SI: variants seen among roughly 807,000 people sequenced by gnomAD.
SI encodes the protein sucrase-isomaltase, intestinal.
In SI, 235 loss-of-function variants were observed where a neutral mutation model predicts 253.3. That is an observed-to-expected ratio of 0.93 (90% CI 0.83 to 1.03). SI has a LOEUF of 1.03. SI is among the 50% of genes least tolerant of loss of function. The pLI is 0.00. For synonymous variants in SI, 819 were observed against 712.0 expected, an observed-to-expected ratio of 1.15 and a Z score of -2.39; for missense variants, 2,442 against 2,211.1, an observed-to-expected ratio of 1.10 and a Z score of -2.09.
intron 37 of SI, among the ~76,000 whole-genome samples, chr3:165,004,554 C>A (rs933169304): frequency 2.0e-5 from 3 of 152,028 alleles, no homozygotes; most frequent in Admixed American, 6.6e-5. Context: ...TGTCCATCAA[C>A]AGATGATTAG....
chr3:165,009,453 A>G (rs906134090), intron 34 of SI, 58 bp from the exon 35 acceptor site: 2 of 888,496 alleles, frequency 2.3e-6, no homozygotes, highest in Admixed American at 3.4e-5. Flanking sequence ...TTATATACAT[A>G]TAAATCTGAA....
chr3:165,070,873 C>G (rs928556647), intron 3 of SI, among the ~76,000 whole-genome samples: 9 of 152,086 alleles, frequency 5.9e-5, no homozygotes, highest in Non-Finnish European at 8.8e-5. Context: ...AAGGTGTCAG[C>G]AGAGCCATGC....
rs1717924160 is a variant in SI, at chr3:164,994,539, A to G, written c.4693-134T>C. Reference sequence around the variant, plus strand: ...GTCATGTGCTATGTACTTTCTTCCCAAAATCTTACACAATAATATTTCTAT... The same window carrying G: ...GTCATGTGCTATGTACTTTCTTCCCGAAATCTTACACAATAATATTTCTAT... On this transcript the variant is annotated intron_variant, in intron 40 of 47. Transcript: ENST00000264382. 18 of 819,534 alleles carry G rather than the reference A, an allele frequency of 2.2e-5. 1 individual carries two copies. The South Asian group carries it at 2.5e-4, about 11-fold the overall frequency. The allele number at this position is 819,534 out of a possible 1,614,324, so 50.8% of individuals were successfully genotyped here.
rs760493706 is a variant in SI, at chr3:165,074,538, G to A, written c.248C>T (p.Pro83Leu). 38 of 1,602,786 alleles carry A rather than the reference G, an allele frequency of 2.4e-5. No individual in the cohort carries two copies. The South Asian group carries it at 4.0e-4, about 17-fold the overall frequency. Residue 83 changes from proline to leucine, a missense_variant, in exon 3 of 48, where the codon CCA becomes CTA. Pro to Leu is a moderately conservative substitution (Grantham distance 98). Transcript: ENST00000264382. ...VRINCIPEQF[P>L]TEGICAQRGC... is the part of the protein sequence containing the mutation. ...AAGACTTTTGCTGCAGACCTCTGTT[G>A]GGAATTGTTCTGGAATGCAGTTTAT...
At chr3:165,012,145 A>C (rs1209636298) in intron 34 of SI, among the ~76,000 whole-genome samples, 1 of 152,206 alleles carries the variant, frequency 6.6e-6, no homozygotes, top group African/African-American at 2.4e-5. Context: ...CAGTAACAGA[A>C]AGACAAATGT....
chr3:165,064,313 T>C (rs916721872), intron 7 of SI, among the ~76,000 whole-genome samples: 1 of 151,918 alleles, frequency 6.6e-6, no homozygotes, highest in South Asian at 2.1e-4. Flanking sequence ...CCTGACTAAT[T>C]AGATATGGAT....
chr3:164,996,593 C>T lies in SI; in HGVS notation c.4634G>A (p.Trp1545Ter), dbSNP rs1449088138. The T allele has an allele frequency of 1.2e-6, 2 of 1,610,126 alleles. No individual in the cohort carries two copies. The highest frequency in any genetic ancestry group is 2.7e-5 in the African/African-American group (2 of 74,704). The part of the protein sequence containing the change: ...NNSEYHLCTR[W>*]MQLGAFYPYS... ...TGGATAAAATGCTCCAAGTTGCATC[C>T]AGCGGGTACAGAGATGATATTCTGA... The change falls in exon 40 of 48, where the codon TGG (tryptophan) becomes TAG (stop). Residue 1545 changes from tryptophan (W) to a stop codon, truncating the protein, a stop_gained. Transcript: ENST00000264382. LOFTEE classifies it high-confidence loss of function.
Position 165,009,265 on chromosome 3 carries a change from C to A in SI, c.4179+14G>T. Reference sequence around the variant, plus strand: ...TAAATAACTTAAAACATAGATTGTTCAAAGCTTACTTACAATCCACAAACC... The same window carrying A: ...TAAATAACTTAAAACATAGATTGTTAAAAGCTTACTTACAATCCACAAACC... On this transcript the variant is annotated intron_variant, in intron 35 of 47. Coordinates refer to ENST00000264382, the MANE Select transcript of SI (RefSeq NM_001041.4). 2 of 1,513,186 alleles carry A rather than the reference C, an allele frequency of 1.3e-6. No homozygotes were observed. The highest frequency in any genetic ancestry group is 2.2e-5 in the South Asian group (2 of 88,972). 93.7% of individuals were successfully genotyped at this position (1,513,186 alleles called of 1,614,324 possible).
chr3:165,067,386 T>G lies in SI; in HGVS notation c.589A>C (p.Asn197His). 6.2e-7 allele frequency: 1 copy of G among 1,612,526 alleles called. No individual in the cohort carries two copies. ...DTLYDVKVAQ[N>H]PFSIQVIRKS... is the part of the protein sequence containing the mutation. Reference sequence around the variant, plus strand: ...CTAATAACTTGGATGCTAAATGGGTTTTGGGCAACCTTCACATCATACAAC... The same window carrying G: ...CTAATAACTTGGATGCTAAATGGGTGTTGGGCAACCTTCACATCATACAAC... The change falls in exon 6 of 48, where the codon AAC becomes CAC. Residue 197 changes from asparagine to histidine, a missense_variant. By Grantham distance (68) the Asn-to-His change is moderately conservative. Transcript: ENST00000264382.
chr3:165,033,593 T>A (rs1269950954), intron 22 of SI, 149 bp from the exon 23 acceptor site: 2 of 670,554 alleles, frequency 3.0e-6, no homozygotes, highest in Non-Finnish European at 4.2e-6. Flanking sequence ...TTAAATTTTT[T>A]AATTGTCTCT....
intron 16 of SI, among the ~76,000 whole-genome samples, chr3:165,045,698 C>A (rs999756667): frequency 2.6e-5 from 4 of 151,502 alleles, no homozygotes; most frequent in Admixed American, 6.6e-5. Context: ...GTATTTAAAT[C>A]AGTAAGTTTT....
chr3:164,988,887 G>A (rs1717565742), intron 44 of SI, among the ~76,000 whole-genome samples: 2 of 151,996 alleles, frequency 1.3e-5, no homozygotes. Flanking sequence ...GAGGTTCTCA[G>A]GCAAATAAGA....
chr3:165,064,012 G>C (rs984021675), intron 7 of SI, among the ~76,000 whole-genome samples: 2 of 151,422 alleles, frequency 1.3e-5, no homozygotes, highest in African/African-American at 4.8e-5. Context: ...GGAGGTCGCA[G>C]TGATTTGAGA....
chr3:164,979,482 A>G (rs778940143), intron 47 of SI, 52 bp from the exon 48 acceptor site: 3 of 988,672 alleles, frequency 3.0e-6, no homozygotes, highest in East Asian at 2.4e-5. Context: ...CATTTTTCTT[A>G]TTTTCATGAA....
At chr3:165,056,561 A>G (rs1159485927) in intron 12 of SI, among the ~76,000 whole-genome samples, 1 of 152,120 alleles carries the variant, frequency 6.6e-6, no homozygotes, top group Non-Finnish European at 1.5e-5. Context: ...ACATTCCCCA[A>G]CAGTGCCCAT....
At chr3:165,048,567 G>GTATACA (rs1713250523) in intron 15 of SI, among the ~76,000 whole-genome samples, 1 of 123,848 alleles carries the variant, frequency 8.1e-6, no homozygotes, top group Non-Finnish European at 1.7e-5. Flanking sequence ...ATATATATAT[G>GTATACA]TATATATATA....
chr3:165,067,355 CT>C lies in SI; in HGVS notation c.619del (p.Ser207AlafsTer14). ...NPFSIQVIRKSNGKTLFDTSI... is the reference protein window; with the variant it reads ...NPFSIQVIRKXNGKTLFDTSI... ...ATACACTTACAAAGTTTTACCGTTGCTTTTCCTAATAACTTGGATGCTAAAT... is the reference window on the plus strand; with the variant it reads ...ATACACTTACAAAGTTTTACCGTTGCTTTCCTAATAACTTGGATGCTAAAT... On this transcript the variant is annotated frameshift_variant, in exon 6 of 48. Coordinates refer to ENST00000264382, the MANE Select transcript of SI (RefSeq NM_001041.4). LOFTEE classifies it high-confidence loss of function. 6.2e-7 allele frequency: 1 copy of C among 1,609,836 alleles called. No homozygotes were observed.
intron 18 of SI, 140 bp downstream of exon 18, chr3:165,040,800 C>A: frequency 1.5e-6 from 1 of 651,768 alleles, no homozygotes; most frequent in Non-Finnish European, 2.7e-6. Flanking sequence ...CATTATATAG[C>A]TCTTCAAATC....
At chr3:165,049,375 AG>A in intron 14 of SI, 131 bp from the exon 15 acceptor site, 1 of 655,570 alleles carries the variant, frequency 1.5e-6, no homozygotes, top group South Asian at 1.9e-5. Flanking sequence ...ACAATGACAA[AG>A]GACAATCCAA....
Sources: gnomAD v4.1 joint callset for allele counts (sites outside exome capture counted in the v4.1 genomes callset) on GRCh38, gnomAD v4.1.1 for gene constraint, MANE v1.5 for transcripts, NCBI Gene and HGNC (gene_info 2026-07-23, HGNC 2026-07-21) for gene names.